The following HELB variants were observed in gnomAD, a reference collection of about 807,000 sequenced individuals.
The protein encoded by HELB is DNA 5'-3' helicase B.
A neutral mutation model predicts 101.7 loss-of-function variants in HELB; 96 were observed. The ratio of observed to expected loss-of-function variants is 0.94; its 90% CI spans 0.80 to 1.12. The LOEUF (loss-of-function observed/expected upper bound fraction) is 1.12, where lower values mean the gene tolerates loss of function less well. HELB is among the 50% of genes most tolerant of loss of function. The pLI, the probability that HELB is intolerant of heterozygous loss-of-function variation, is 0.00. For missense variants in HELB, 1,210 were observed against 1,291.9 expected (o/e 0.94, Z 0.97); for synonymous variants, 437 against 459.7 (o/e 0.95, Z 0.63).
At chr12:66,311,976 A>T (rs2053550246) in intron 4 of HELB, among the ~76,000 whole-genome samples, 1 of 152,238 alleles carries the variant, frequency 6.6e-6, no homozygotes, top group African/African-American at 2.4e-5. Context: ...GCATCGAGGA[A>T]TATGATCGTA....
intron 1 of HELB, among the ~76,000 whole-genome samples, chr12:66,304,300 G>A (rs1027860719): frequency 2.7e-5 from 4 of 149,870 alleles, no homozygotes; most frequent in African/African-American, 9.8e-5. Context: ...GTAAGTGATA[G>A]TTAAGCTGAG....
chr12:66,306,704 T>C (rs1176322761), intron 3 of HELB, among the ~76,000 whole-genome samples, 190 bp downstream of exon 3: 1 of 152,164 alleles, frequency 6.6e-6, no homozygotes, highest in Non-Finnish European at 1.5e-5. Flanking sequence ...CATAAGAACA[T>C]TTTATAAGTT....
intron 10 of HELB, 199 bp downstream of exon 10, chr12:66,324,410 G>T: frequency 2.0e-6 from 1 of 500,762 alleles, no homozygotes; most frequent in Non-Finnish European, 3.6e-6. Flanking sequence ...TTTAATATCA[G>T]GATAATACTG....
chr12:66,331,416 C>T lies in HELB; in HGVS notation c.2933C>T (p.Pro978Leu), dbSNP rs759155806. The T allele has an allele frequency of 8.1e-6, 13 of 1,614,074 alleles. No homozygotes were observed. In the Admixed American group the frequency reaches 1.0e-4, roughly 12 times the overall value. The change falls in exon 12 of 13, where the codon CCC becomes CTC. Residue 978 changes from proline (P) to leucine (L), a missense_variant. By Grantham distance (98) the Pro-to-Leu change is moderately conservative (BLOSUM62 -3). Around this residue, in one of 2 missense-constraint regions of HELB, gnomAD observed 740 missense variants for 728.8 expected, o/e 1.02. Coordinates refer to ENST00000247815, the MANE Select transcript of HELB (RefSeq NM_001370285.1). ...PRKSSGDSGG[P>L]STPSASPLPV... ...AAGAGCTCTGGAGACAGTGGAGGAC[C>T]CAGCACACCGTCAGCATCTCCACTC...
chr12:66,341,305 C>CA (rs2053916573), downstream of HELB: 1 of 152,252 alleles, frequency 6.6e-6, no homozygotes, highest in Non-Finnish European at 1.5e-5. Context: ...ACTCAGCAAG[C>CA]ACGCTGCTTA....
rs1173650703 is a variant in HELB, at chr12:66,305,003, T to C, written c.460T>C (p.Tyr154His). 2 of 1,613,800 alleles carry C rather than the reference T, an allele frequency of 1.2e-6. No homozygotes were observed. Among genetic ancestry groups the C allele is most frequent in the Non-Finnish European group, 1.7e-6 (2 of 1,179,922 alleles). ...AACATGGGTAAAGGAGGTATCAAAC[T>C]ACAAAAACCTAAACTTTGAAAATCT... ...FLTWVKEVSN[Y>H]KNLNFENLRE... is the part of the protein sequence containing the mutation. Residue 154 changes from tyrosine (Y) to histidine (H), a missense_variant, in exon 2 of 13, where the codon TAC becomes CAC. By Grantham distance (83) the Tyr-to-His change is moderately conservative. Transcript: ENST00000247815.
intron 4 of HELB, among the ~76,000 whole-genome samples, chr12:66,312,911 C>G (rs2053560367): frequency 6.6e-6 from 1 of 152,118 alleles, no homozygotes; most frequent in African/African-American, 2.4e-5. Flanking sequence ...ATGGGGCAAT[C>G]CCATCCTGGG....
chr12:66,316,804 G>T (rs2053611210), intron 6 of HELB, among the ~76,000 whole-genome samples: 1 of 151,878 alleles, frequency 6.6e-6, no homozygotes, highest in African/African-American at 2.4e-5. Context: ...TGGATCACAA[G>T]GTCAGGAGAT....
intron 1 of HELB, among the ~76,000 whole-genome samples, chr12:66,304,277 A>T (rs1479168860): frequency 1.4e-5 from 2 of 138,252 alleles, no homozygotes; most frequent in East Asian, 3.9e-4. Context: ...AGATTCAGGG[A>T]AGACTTTTCT....
chr12:66,331,737 C>G (rs925734187), intron 12 of HELB, 92 bp downstream of exon 12: 3 of 1,217,676 alleles, frequency 2.5e-6, no homozygotes, highest in Middle Eastern at 2.1e-4. Flanking sequence ...ATTAGTGTTG[C>G]ATTGTGCTGT....
downstream of HELB, chr12:66,341,926 T>G (rs2053921164): frequency 6.6e-6 from 1 of 152,246 alleles, no homozygotes; most frequent in African/African-American, 2.4e-5. Context: ...CAATTAAACC[T>G]CTTTTCTTTA....
chr12:66,309,116 A>C lies in HELB; in HGVS notation c.778-590A>C, dbSNP rs769385950. On this transcript the variant is annotated intron_variant, in intron 3 of 12. Coordinates refer to ENST00000247815, the MANE Select transcript of HELB (RefSeq NM_001370285.1). Reference sequence around the variant, plus strand: ...AGTTCAACAGAAAACTTAATGTAACAGAGTACATCCTGTCACTCAGCTGTG... The same window carrying C: ...AGTTCAACAGAAAACTTAATGTAACCGAGTACATCCTGTCACTCAGCTGTG... Among the ~76,000 whole-genome samples the C allele has an allele frequency of 1.2e-4, 19 of 152,358 alleles. No homozygotes were observed. The South Asian group carries it at 2.3e-3, about 18-fold the overall frequency.
intron 12 of HELB, among the ~76,000 whole-genome samples, chr12:66,334,298 A>C (rs1481183169): frequency 1.3e-5 from 2 of 151,852 alleles, no homozygotes; most frequent in Non-Finnish European, 2.9e-5. Flanking sequence ...CCATCTCTAC[A>C]AAAATAGTAA....
At chr12:66,330,530 A>G (rs2053793173) in intron 11 of HELB, among the ~76,000 whole-genome samples, 3 of 149,894 alleles carry the variant, frequency 2.0e-5, no homozygotes, top group Admixed American at 1.3e-4. Context: ...AGTTTTGACC[A>G]TTCTCTATGT....
intron 3 of HELB, among the ~76,000 whole-genome samples, chr12:66,308,965 C>T (rs996890079): frequency 2.0e-5 from 3 of 152,026 alleles, no homozygotes; most frequent in African/African-American, 7.2e-5. Context: ...ATGACGTGCT[C>T]AGTAGATTAT....
intron 3 of HELB, among the ~76,000 whole-genome samples, chr12:66,307,489 A>G (rs1436507824): frequency 2.0e-5 from 3 of 152,234 alleles, no homozygotes; most frequent in Non-Finnish European, 4.4e-5. Flanking sequence ...AATAAATTAT[A>G]TAACATTTTA....
downstream of HELB, chr12:66,339,873 T>G (rs1016931560): frequency 6.6e-6 from 1 of 152,232 alleles, no homozygotes. Context: ...CATGTGGTTC[T>G]TTGTTCCGGA....
intron 6 of HELB, among the ~76,000 whole-genome samples, chr12:66,317,953 A>C (rs2053628491): frequency 6.6e-6 from 1 of 152,152 alleles, no homozygotes; most frequent in African/African-American, 2.4e-5. Flanking sequence ...TCTTCTTCCA[A>C]ATAACCATAC....
At position 66,319,487 on chromosome 12, in the gene HELB, G is replaced by T. The variant is rs1275329620; in HGVS notation, c.2155+695G>T. 8.5e-5 allele frequency among the ~76,000 whole-genome samples: 13 copies of T among 152,296 alleles called. No homozygotes were observed. The South Asian group carries it at 2.1e-3, about 24-fold the overall frequency. Reference sequence around the variant, plus strand: ...TGAGACACTCTATAAATGTCAGTTTGTTGTGACTAATAGATGTTATTAAAT... The same window carrying T: ...TGAGACACTCTATAAATGTCAGTTTTTTGTGACTAATAGATGTTATTAAAT... On this transcript the variant is annotated intron_variant, in intron 7 of 12. Transcript: ENST00000247815.
Sources: gnomAD v4.1 joint callset for allele counts (sites outside exome capture counted in the v4.1 genomes callset) on GRCh38, gnomAD v4.1.1 for gene constraint, gnomAD v4.1.1 regional missense constraint, MANE v1.5 for transcripts, NCBI Gene and HGNC (gene_info 2026-07-23, HGNC 2026-07-21) for gene names.